The following ROBO1 variants were observed in gnomAD, a reference collection of about 807,000 sequenced individuals.
ROBO1 encodes the protein roundabout homolog 1.
ROBO1 carries 149 observed loss-of-function variants against 195.9 expected under a neutral mutation model. The ratio of observed to expected loss-of-function variants is 0.76; its 90% CI spans 0.67 to 0.87. The LOEUF is 0.87. Among genes scored for constraint, ROBO1 ranks in the 40% least tolerant of loss-of-function variants. The probability of loss-of-function intolerance (pLI) is 0.00; values close to 1 mark genes in which losing one functional copy is unlikely to be tolerated. For missense variants in ROBO1, 1,933 were observed against 2,068.3 expected (o/e 0.93, Z 1.27); for synonymous variants, 816 against 733.2 (o/e 1.11, Z -1.82).
At chr3:79,446,650 A>G (rs1413463848) in intron 2 of ROBO1, among the ~76,000 whole-genome samples, 1 of 152,194 alleles carries the variant, frequency 6.6e-6, no homozygotes, top group Non-Finnish European at 1.5e-5. Flanking sequence ...TGATATTATT[A>G]CAATATACCT....
chr3:79,585,577 A>G (rs1404639408), intron 2 of ROBO1, among the ~76,000 whole-genome samples: 2 of 151,840 alleles, frequency 1.3e-5, no homozygotes, highest in Admixed American at 6.6e-5. Flanking sequence ...ATAGAAAACA[A>G]GTATCTCCAA....
At chr3:78,661,299 A>T (rs1472670185) in intron 15 of ROBO1, 38 bp from the exon 16 acceptor site, 1 of 1,239,524 alleles carries the variant, frequency 8.1e-7, no homozygotes, top group South Asian at 1.9e-5. Flanking sequence ...TATTCATATT[A>T]TTGTATTGGT....
At chr3:79,716,071 G>C (rs1170107127) in intron 1 of ROBO1, among the ~76,000 whole-genome samples, 2 of 152,018 alleles carry the variant, frequency 1.3e-5, no homozygotes, top group East Asian at 3.9e-4. Context: ...AAAAGTTATA[G>C]AGGTAACATT....
chr3:78,989,735 T>C (rs1227534077), intron 3 of ROBO1, among the ~76,000 whole-genome samples: 1 of 152,202 alleles, frequency 6.6e-6, no homozygotes, highest in African/African-American at 2.4e-5. Context: ...AACAGCTGCC[T>C]TGCATTTTCC....
intron 2 of ROBO1, among the ~76,000 whole-genome samples, chr3:79,580,059 T>C (rs1943609209): frequency 6.6e-6 from 1 of 152,132 alleles, no homozygotes; most frequent in African/African-American, 2.4e-5. Flanking sequence ...AAATTATATA[T>C]TCTATAGAGT....
At chr3:79,320,044 T>A (rs996217984) in intron 2 of ROBO1, among the ~76,000 whole-genome samples, 1 of 152,218 alleles carries the variant, frequency 6.6e-6, no homozygotes, top group Non-Finnish European at 1.5e-5. Flanking sequence ...ATATGTAATG[T>A]CTTAATCAGT....
intron 4 of ROBO1, among the ~76,000 whole-genome samples, chr3:78,928,735 C>T (rs960116093): frequency 2.9e-4 from 44 of 152,160 alleles, no homozygotes; most frequent in African/African-American, 1.0e-3. Flanking sequence ...GAGATTGCAA[C>T]CTGTACTACA....
intron 4 of ROBO1, among the ~76,000 whole-genome samples, chr3:78,854,503 T>C (rs2034288486): frequency 6.6e-6 from 1 of 151,482 alleles, no homozygotes; most frequent in African/African-American, 2.4e-5. Context: ...TATTTTTATG[T>C]GTCAAAAATA....
Position 79,469,620 on chromosome 3 carries a change from A to C in ROBO1, c.88+120204T>G, listed in dbSNP as rs185937002. On this transcript the variant is annotated intron_variant, in intron 2 of 30. Transcript: ENST00000464233. ...CTGGGCAGCTTTCTTGGTTACTCTA[A>C]GTTTAATTTTCTTTTCTATAAAATG... is the stretch of plus-strand genomic sequence containing the variant. 1.3e-4 allele frequency among the ~76,000 whole-genome samples: 20 copies of C among 152,330 alleles called. No individual in the cohort carries two copies. The East Asian group carries it at 3.7e-3, about 28-fold the overall frequency.
intron 4 of ROBO1, among the ~76,000 whole-genome samples, chr3:78,914,339 G>T (rs551418290): frequency 6.6e-6 from 1 of 152,024 alleles, no homozygotes; most frequent in Non-Finnish European, 1.5e-5. Flanking sequence ...CCATAATAAA[G>T]AGAAACATAC....
At chr3:79,489,976 T>C (rs1264729815) in intron 2 of ROBO1, among the ~76,000 whole-genome samples, 4 of 152,226 alleles carry the variant, frequency 2.6e-5, no homozygotes, top group Non-Finnish European at 1.5e-5. Flanking sequence ...GATACATTTG[T>C]TGATCTTTGA....
At chr3:78,609,647 T>C (rs1703673149) in intron 28 of ROBO1, among the ~76,000 whole-genome samples, 3 of 152,214 alleles carry the variant, frequency 2.0e-5, no homozygotes. Context: ...ATCACTATTT[T>C]TTAGCCAATC....
At chr3:79,538,022 G>A (rs1007593348) in intron 2 of ROBO1, among the ~76,000 whole-genome samples, 1 of 152,144 alleles carries the variant, frequency 6.6e-6, no homozygotes, top group Non-Finnish European at 1.5e-5. Context: ...AAGCCATCCT[G>A]GGTCGTCGAT....
rs535217403 is a variant in ROBO1, at chr3:79,289,430, G to A, written c.89-163891C>T. Among the ~76,000 whole-genome samples, 697 of 152,270 alleles carry A rather than the reference G, an allele frequency of 4.6e-3. 5 individuals carry two copies. The highest frequency in any genetic ancestry group is 0.016 in the African/African-American group (651 of 41,560). On this transcript the variant is annotated intron_variant, in intron 2 of 30. Coordinates refer to ENST00000464233, the MANE Select transcript of ROBO1 (RefSeq NM_002941.4). ...AGAGGTTTGAAATTAGACTTGCTCT[G>A]AGAATTTCATTAGTGGAGGCAAAGT... is the stretch of plus-strand genomic sequence containing the variant.
intron 1 of ROBO1, among the ~76,000 whole-genome samples, chr3:79,698,709 C>T (rs546226227): frequency 2.0e-5 from 3 of 151,414 alleles, no homozygotes; most frequent in Non-Finnish European, 4.4e-5. Flanking sequence ...AAGGGAACCA[C>T]CATTAATAGA....
intron 4 of ROBO1, among the ~76,000 whole-genome samples, chr3:78,883,595 A>T (rs1048019071): frequency 3.0e-4 from 45 of 152,088 alleles, no homozygotes; most frequent in African/African-American, 1.1e-3. Flanking sequence ...CCTGGCCTCA[A>T]GTGATCCTCC....
rs1013914430 is a variant in ROBO1 at position 79,634,742 on chromosome 3, A to T, written c.-50-44781T>A. 2.6e-5 allele frequency among the ~76,000 whole-genome samples: 4 copies of T among 152,170 alleles called. No individual in the cohort carries two copies. In the East Asian group the frequency reaches 7.7e-4, roughly 29 times the overall value. On this transcript the variant is annotated intron_variant, in intron 1 of 30. Transcript: ENST00000464233. ...TATAAACAGGTTGAAAAAATACAGA[A>T]GTCATTTAATTTCCTGTGCATTATA...
At chr3:79,287,179 T>C (rs769690940) in intron 2 of ROBO1, among the ~76,000 whole-genome samples, 7 of 152,160 alleles carry the variant, frequency 4.6e-5, no homozygotes, top group Non-Finnish European at 1.0e-4. Flanking sequence ...CTGAAATAAA[T>C]TATATACATA....
chr3:79,587,409 G>A (rs1366333564), intron 2 of ROBO1, among the ~76,000 whole-genome samples: 3 of 151,804 alleles, frequency 2.0e-5, no homozygotes, highest in Admixed American at 6.6e-5. Flanking sequence ...ACCCTGAGAA[G>A]TCTTGTTCCT....
Sources: gnomAD v4.1 joint callset for allele counts (sites outside exome capture counted in the v4.1 genomes callset) on GRCh38, gnomAD v4.1.1 for gene constraint, MANE v1.5 for transcripts, NCBI Gene and HGNC (gene_info 2026-07-23, HGNC 2026-07-21) for gene names.